The following NXPH1 variants were observed in gnomAD, a reference collection of about 807,000 sequenced individuals.
NXPH1 encodes the protein neurexophilin-1.
In NXPH1, 5 loss-of-function variants were observed where a neutral mutation model predicts 23.7. That is an observed-to-expected ratio of 0.21 (90% CI 0.11 to 0.44). The LOEUF (loss-of-function observed/expected upper bound fraction) is 0.44. Ranked by LOEUF, NXPH1 falls within the 20% of genes least tolerant of loss-of-function variation. NXPH1 has a pLI of 0.99. For synonymous variants in NXPH1, 144 were observed against 122.2 expected (o/e 1.18, Z -1.18); for missense variants, 324 against 321.6 (o/e 1.01, Z -0.06).
intron 2 of NXPH1, among the ~76,000 whole-genome samples, chr7:8,573,476 A>G (rs79998553): frequency 0.021 from 3,166 of 152,268 alleles, 101 homozygotes; most frequent in South Asian, 0.078. Flanking sequence ...AGGAAACAAA[A>G]GAGCACTATA....
chr7:8,736,738 C>T (rs567366756), intron 2 of NXPH1, among the ~76,000 whole-genome samples: 2 of 152,258 alleles, frequency 1.3e-5, no homozygotes, highest in African/African-American at 2.4e-5. Context: ...GTGTTAAAGT[C>T]TCCCACATTT....
At chr7:8,596,144 G>C (rs1819217698) in intron 2 of NXPH1, among the ~76,000 whole-genome samples, 1 of 151,958 alleles carries the variant, frequency 6.6e-6, no homozygotes, top group African/African-American at 2.4e-5. Flanking sequence ...ATTAGTTAAG[G>C]TTGAGGACTA....
chr7:8,487,744 G>T (rs866398926), intron 2 of NXPH1, among the ~76,000 whole-genome samples: 2 of 152,190 alleles, frequency 1.3e-5, no homozygotes, highest in Middle Eastern at 6.8e-3. Flanking sequence ...TTTGGAATTT[G>T]TTTAACAAGG....
At chr7:8,701,391 A>T (rs907799117) in intron 2 of NXPH1, among the ~76,000 whole-genome samples, 7 of 151,912 alleles carry the variant, frequency 4.6e-5, no homozygotes, top group African/African-American at 1.7e-4. Context: ...TTCTAGTCTC[A>T]TCTCCTGTGG....
At chr7:8,718,278 A>G (rs1779910378) in intron 2 of NXPH1, among the ~76,000 whole-genome samples, 1 of 152,160 alleles carries the variant, frequency 6.6e-6, no homozygotes, top group Admixed American at 6.5e-5. Flanking sequence ...TGCATTTAAA[A>G]TTCCTTTCTG....
rs552447850 is a variant in NXPH1, at chr7:8,491,260, C to T, written c.54+55493C>T. 2.7e-4 allele frequency among the ~76,000 whole-genome samples: 41 copies of T among 152,046 alleles called. No homozygotes were observed. The South Asian group carries it at 5.0e-3, about 18-fold the overall frequency. On this transcript the variant is annotated intron_variant, in intron 2 of 2. Coordinates refer to ENST00000405863, the MANE Select transcript of NXPH1 (RefSeq NM_152745.3). ...CCCTATCCTTGGCTGTGAAACAGTG[C>T]GGATTTTCTTAACTGAGTCCCTGAC...
intron 2 of NXPH1, among the ~76,000 whole-genome samples, chr7:8,601,606 T>C (rs1046405045): frequency 6.6e-6 from 1 of 152,170 alleles, no homozygotes; most frequent in African/African-American, 2.4e-5. Flanking sequence ...TATGCTTGAA[T>C]CGTCTTTCAT....
At chr7:8,584,778 C>A (rs1300432238) in intron 2 of NXPH1, among the ~76,000 whole-genome samples, 1 of 152,308 alleles carries the variant, frequency 6.6e-6, no homozygotes, top group Admixed American at 6.5e-5. Flanking sequence ...AGTAATTTCA[C>A]AATCCTTTTG....
At chr7:8,488,278 T>C (rs965117186) in intron 2 of NXPH1, among the ~76,000 whole-genome samples, 7 of 146,866 alleles carry the variant, frequency 4.8e-5, no homozygotes, top group African/African-American at 1.9e-4. Context: ...TCTTACATAC[T>C]ACATCTTACA....
At chr7:8,504,829 G>A (rs538321425) in intron 2 of NXPH1, among the ~76,000 whole-genome samples, 66 of 152,134 alleles carry the variant, frequency 4.3e-4, no homozygotes, top group South Asian at 2.9e-3. Context: ...ATGAGAAGAT[G>A]GGCAACTGAA....
At chr7:8,731,255 G>T (rs7782322) in intron 2 of NXPH1, among the ~76,000 whole-genome samples, 4 of 150,770 alleles carry the variant, frequency 2.7e-5, no homozygotes, top group Non-Finnish European at 3.0e-5. Context: ...AATTTTTTTC[G>T]AAGTTTTCAA....
At chr7:8,490,271 G>A (rs1317541600) in intron 2 of NXPH1, among the ~76,000 whole-genome samples, 2 of 152,006 alleles carry the variant, frequency 1.3e-5, no homozygotes, top group African/African-American at 4.8e-5. Flanking sequence ...ACACAGGAGA[G>A]ATTAAAAGAA....
intron 2 of NXPH1, among the ~76,000 whole-genome samples, chr7:8,558,652 C>G (rs1354943458): frequency 6.6e-6 from 1 of 151,640 alleles, no homozygotes; most frequent in Non-Finnish European, 1.5e-5. Context: ...GCTCAAGTCA[C>G]CTATGAGCCC....
intron 2 of NXPH1, among the ~76,000 whole-genome samples, chr7:8,747,307 A>G (rs1208902944): frequency 6.6e-6 from 1 of 152,214 alleles, no homozygotes; most frequent in Non-Finnish European, 1.5e-5. Flanking sequence ...TTTTTATTCT[A>G]CCTGAAAATC....
intron 2 of NXPH1, among the ~76,000 whole-genome samples, chr7:8,639,076 T>C (rs752217930): frequency 1.3e-5 from 2 of 152,200 alleles, no homozygotes; most frequent in African/African-American, 2.4e-5. Flanking sequence ...AGTCGATTAC[T>C]GGTAGCTATC....
At chr7:8,648,791 A>G (rs748281882) in intron 2 of NXPH1, among the ~76,000 whole-genome samples, 14 of 152,172 alleles carry the variant, frequency 9.2e-5, no homozygotes, top group Non-Finnish European at 1.6e-4. Flanking sequence ...TAATTTATCA[A>G]TTACTAAATG....
intron 2 of NXPH1, among the ~76,000 whole-genome samples, chr7:8,696,367 C>T (rs571778270): frequency 6.6e-6 from 1 of 152,188 alleles, no homozygotes; most frequent in East Asian, 1.9e-4. Flanking sequence ...CATCAAGGTT[C>T]TTGCTTTCAT....
At chr7:8,712,637 T>C (rs1024908139) in intron 2 of NXPH1, among the ~76,000 whole-genome samples, 2 of 152,222 alleles carry the variant, frequency 1.3e-5, no homozygotes, top group Non-Finnish European at 2.9e-5. Flanking sequence ...CATCAAATAA[T>C]TACTGTGTAC....
At chr7:8,648,886 G>C (rs545060684) in intron 2 of NXPH1, among the ~76,000 whole-genome samples, 3 of 151,876 alleles carry the variant, frequency 2.0e-5, no homozygotes, top group African/African-American at 7.2e-5. Flanking sequence ...TTTTATATAA[G>C]TATATACAAG....
Sources: allele counts gnomAD v4.1 joint callset (sites outside exome capture counted in the v4.1 genomes callset), GRCh38; gene constraint gnomAD v4.1.1; transcripts MANE v1.5; gene names NCBI Gene and HGNC (gene_info 2026-07-23, HGNC 2026-07-21).